DMD: variants seen among roughly 807,000 people sequenced by gnomAD.
The protein encoded by DMD is dystrophin.
A neutral mutation model predicts 330.1 loss-of-function variants in DMD; 63 were observed. The observed-to-expected ratio is 0.19, with a 90% confidence interval of 0.16 to 0.24. The LOEUF is 0.24. DMD is among the 10% of genes least tolerant of loss of function. DMD has a pLI of 1.00. For missense variants in DMD, 3,344 were observed against 2,684.1 expected, an observed-to-expected ratio of 1.25 and a Z score of -5.43; for synonymous variants, 1,223 against 959.8, an observed-to-expected ratio of 1.27 and a Z score of -5.07.
intron 1 of DMD, among the ~76,000 whole-genome samples, chrX:33,279,559 A>AT (rs955715739): frequency 2.7e-5 from 3 of 110,156 alleles, no homozygotes. Context: ...ACAAGTTTTC[A>AT]TTTTTTTAAG....
At chrX:33,028,478 C>T (rs971531356) in intron 1 of DMD, among the ~76,000 whole-genome samples, 2 of 112,053 alleles carry the variant, frequency 1.8e-5, no homozygotes, top group African/African-American at 3.2e-5. Context: ...AACATATTAT[C>T]GATTAGGCCT....
chrX:32,305,442 T>G (rs1383365201), intron 42 of DMD, among the ~76,000 whole-genome samples: 2 of 111,218 alleles, frequency 1.8e-5, no homozygotes, highest in Non-Finnish European at 3.8e-5. Flanking sequence ...CAGCCCCAAG[T>G]CGGCCGAGAA....
At chrX:32,322,577 T>C (rs1371953080) in intron 41 of DMD, among the ~76,000 whole-genome samples, 1 of 110,267 alleles carries the variant, frequency 9.1e-6, no homozygotes, top group Admixed American at 9.8e-5. Flanking sequence ...AAAAACAAAA[T>C]AAAATAAAAT....
At chrX:32,620,039 A>C (rs2057876747) in intron 11 of DMD, among the ~76,000 whole-genome samples, 2 of 112,040 alleles carry the variant, frequency 1.8e-5, no homozygotes. Context: ...GTACTTTAGC[A>C]ACCAAAGGCC....
chrX:31,494,941 C>T (rs1208111086), intron 57 of DMD, among the ~76,000 whole-genome samples: 1 of 111,666 alleles, frequency 9.0e-6, no homozygotes, highest in Non-Finnish European at 1.9e-5. Context: ...TTCACTATAT[C>T]GCATAATGCA....
intron 44 of DMD, among the ~76,000 whole-genome samples, chrX:31,992,850 T>G (rs935696436): frequency 1.9e-4 from 21 of 111,946 alleles, no homozygotes; most frequent in Non-Finnish European, 3.6e-4. Flanking sequence ...ACCAAAAATC[T>G]ACAATACAAA....
intron 43 of DMD, among the ~76,000 whole-genome samples, chrX:32,222,710 T>A (rs2097135742): frequency 8.9e-6 from 1 of 111,885 alleles, no homozygotes; most frequent in African/African-American, 3.2e-5. Flanking sequence ...ACATAGAATC[T>A]GAGCCATGCT....
chrX:32,574,062 A>G (rs2052742397), intron 13 of DMD, among the ~76,000 whole-genome samples: 1 of 112,193 alleles, frequency 8.9e-6, no homozygotes, highest in African/African-American at 3.2e-5. Context: ...AAAAGCAAAG[A>G]GACAAGCAAT....
At chrX:33,119,661 C>T (rs1042500516) in intron 1 of DMD, among the ~76,000 whole-genome samples, 11 of 111,052 alleles carry the variant, frequency 9.9e-5, no homozygotes, top group African/African-American at 3.0e-4. Context: ...AGATATTGGA[C>T]GCATCAGAGC....
At chrX:31,861,600 GAGAC>G (rs1266002183) in intron 48 of DMD, among the ~76,000 whole-genome samples, 1 of 91,233 alleles carries the variant, frequency 1.1e-5, no homozygotes, top group South Asian at 5.1e-4. Context: ...AAAAAAAAAA[GAGAC>G]AGTTCTTTAA....
rs753666498 is a variant in DMD, at chrX:31,209,494, G to A, written c.9563+4C>T. The A allele has an allele frequency of 1.6e-5, 19 of 1,207,264 alleles. No individual in the cohort carries two copies. The African/African-American group carries it at 2.6e-4, about 17-fold the overall frequency. ...CCCGGGAAATAAAAACATGCCATAC[G>A]TACGTATCATAAACATTCAGCAGCC... On this transcript the variant is annotated splice_donor_region_variant and intron_variant, in intron 65 of 78. Coordinates refer to ENST00000357033, the MANE Select transcript of DMD (RefSeq NM_004006.3).
At chrX:32,603,598 A>G (rs1241741887) in intron 12 of DMD, among the ~76,000 whole-genome samples, 1 of 111,333 alleles carries the variant, frequency 9.0e-6, no homozygotes, top group African/African-American at 3.2e-5. Context: ...AAACAAAATT[A>G]ATAGGCCACT....
intron 41 of DMD, among the ~76,000 whole-genome samples, chrX:32,334,556 T>C (rs902155314): frequency 8.9e-6 from 1 of 111,734 alleles, no homozygotes; most frequent in Non-Finnish European, 1.9e-5. Context: ...CAGACATTAT[T>C]TTACATAAGG....
At chrX:32,922,454 C>A (rs1162501050) in intron 2 of DMD, among the ~76,000 whole-genome samples, 1 of 112,026 alleles carries the variant, frequency 8.9e-6, no homozygotes, top group East Asian at 2.8e-4. Flanking sequence ...TGGTCCCCAA[C>A]CTTTTTAGCA....
At chrX:32,632,600 G>A (rs2058809711) in intron 11 of DMD, among the ~76,000 whole-genome samples, 1 of 112,426 alleles carries the variant, frequency 8.9e-6, no homozygotes, top group Non-Finnish European at 1.9e-5. Flanking sequence ...CTAGATGGAT[G>A]TTCCCAAGCC....
chrX:33,298,082 A>G (rs2053609205), intron 1 of DMD, among the ~76,000 whole-genome samples: 1 of 111,504 alleles, frequency 9.0e-6, no homozygotes. Context: ...AAAATTAACA[A>G]CAAAAAAGTA....
intron 1 of DMD, among the ~76,000 whole-genome samples, chrX:33,073,926 TCTAA>T (rs1307811529): frequency 4.5e-5 from 5 of 111,912 alleles, no homozygotes; most frequent in Non-Finnish European, 9.4e-5. Flanking sequence ...AAAGTGTTTC[TCTAA>T]CTTATTATTT....
chrX:31,266,934 G>A (rs2051201293), intron 62 of DMD: 4 of 1,148,883 alleles, frequency 3.5e-6, no homozygotes, highest in Non-Finnish European at 4.7e-6. Flanking sequence ...CGCCGCCCAA[G>A]CTCACAGCTG....
intron 63 of DMD, among the ~76,000 whole-genome samples, chrX:31,242,091 A>G (rs148002156): frequency 0.089 from 9,611 of 107,476 alleles, 428 homozygotes; most frequent in Middle Eastern, 0.11. Flanking sequence ...CCCTGTCTCT[A>G]CCAAAAATAC....
Sources: gnomAD v4.1 joint callset for allele counts (sites outside exome capture counted in the v4.1 genomes callset) on GRCh38, gnomAD v4.1.1 for gene constraint, MANE v1.5 for transcripts, NCBI Gene and HGNC (gene_info 2026-07-23, HGNC 2026-07-21) for gene names.